The following EYS variants were observed in gnomAD, a reference collection of about 807,000 sequenced individuals.
EYS encodes EGF-like photoreceptor maintenance factor.
EYS carries 250 observed loss-of-function variants against 282.1 expected under a neutral mutation model. The observed-to-expected ratio is 0.89, with a 90% CI of 0.80 to 0.98. EYS has a LOEUF of 0.98. EYS is among the 50% of genes least tolerant of loss of function. EYS has a pLI of 0.00. For missense variants in EYS, 4,016 were observed against 3,709.0 expected (o/e 1.08, Z -2.15); for synonymous variants, 1,355 against 1,282.9 (o/e 1.06, Z -1.20).
chr6:64,792,857 C>CGTATGTGTGTGTGTGTGTGTGTGTGT (rs1774234601), intron 22 of EYS, among the ~76,000 whole-genome samples: 3 of 148,330 alleles, frequency 2.0e-5, no homozygotes, highest in Non-Finnish European at 4.5e-5. Flanking sequence ...GATCTTGACA[C>CGTATGTGTGTGTGTGTGTGTGTGTGT]GTGTGTGTGT....
intron 29 of EYS, among the ~76,000 whole-genome samples, chr6:64,327,574 C>T (rs924087293): frequency 6.6e-6 from 1 of 152,004 alleles, no homozygotes; most frequent in African/African-American, 2.4e-5. Flanking sequence ...GCACCCAGAT[C>T]AGTTTCCATA....
chr6:63,831,580 A>T (rs1039099090), intron 36 of EYS, among the ~76,000 whole-genome samples: 1 of 152,176 alleles, frequency 6.6e-6, no homozygotes, highest in Admixed American at 6.6e-5. Context: ...GTCCTTAGAG[A>T]CCTACAAAGA....
chr6:64,311,745 A>G (rs6921740), intron 29 of EYS, among the ~76,000 whole-genome samples: 109,029 of 151,948 alleles, frequency 0.72, 39,322 homozygotes, highest in African/African-American at 0.79. Context: ...ATGGGGTGTC[A>G]GCTCACCCGG....
chr6:64,987,653 C>T (rs1307943571), intron 14 of EYS, among the ~76,000 whole-genome samples: 4 of 151,272 alleles, frequency 2.6e-5, no homozygotes, highest in South Asian at 2.1e-4. Flanking sequence ...GTATATTCCC[C>T]GTGTCTCCTT....
chr6:64,131,860 T>G (rs1286355592), intron 31 of EYS, among the ~76,000 whole-genome samples: 2 of 152,158 alleles, frequency 1.3e-5, no homozygotes, highest in Non-Finnish European at 2.9e-5. Flanking sequence ...CAAGGACAAT[T>G]GCATTTAACC....
At chr6:65,405,128 A>G in intron 6 of EYS, 46 bp downstream of exon 6, 1 of 1,383,616 alleles carries the variant, frequency 7.2e-7, no homozygotes, top group Non-Finnish European at 1.0e-6. Flanking sequence ...TGGTAATAGT[A>G]AAAAAAATTT....
intron 30 of EYS, among the ~76,000 whole-genome samples, chr6:64,261,085 A>G (rs1359583570): frequency 2.6e-5 from 4 of 152,066 alleles, no homozygotes; most frequent in Non-Finnish European, 5.9e-5. Context: ...ATTGTTAACT[A>G]TAGTCATCCT....
intron 35 of EYS, among the ~76,000 whole-genome samples, chr6:63,925,944 C>T (rs1451310367): frequency 6.6e-6 from 1 of 152,116 alleles, no homozygotes; most frequent in African/African-American, 2.4e-5. Flanking sequence ...ACGCCTGGCC[C>T]TGTCATCTAG....
chr6:65,344,270 G>T, intron 9 of EYS, 93 bp from the exon 10 acceptor site: 1 of 1,080,210 alleles, frequency 9.3e-7, no homozygotes, highest in Non-Finnish European at 1.4e-6. Flanking sequence ...TACTTGAAAA[G>T]ATAAATTTGA....
At chr6:65,426,226 T>A (rs1767657901) in intron 5 of EYS, among the ~76,000 whole-genome samples, 1 of 152,104 alleles carries the variant, frequency 6.6e-6, no homozygotes, top group South Asian at 2.1e-4. Context: ...GGATCCTACC[T>A]TGGCCTCCTA....
At chr6:64,827,318 C>T (rs936187962) in intron 19 of EYS, among the ~76,000 whole-genome samples, 3 of 151,672 alleles carry the variant, frequency 2.0e-5, no homozygotes, top group Non-Finnish European at 4.4e-5. Context: ...TTGATATCTC[C>T]CATTGCATAT....
chr6:63,908,854 A>T (rs1310470464), intron 35 of EYS, among the ~76,000 whole-genome samples: 1 of 152,212 alleles, frequency 6.6e-6, no homozygotes, highest in Non-Finnish European at 1.5e-5. Context: ...TTCACTAAAG[A>T]GAGAATAGGG....
Position 65,690,419 on chromosome 6 carries a change from C to T in EYS, c.-448+16716G>A, listed in dbSNP as rs139461452. Among the ~76,000 whole-genome samples, 6 of 149,914 alleles carry T rather than the reference C, an allele frequency of 4.0e-5. 1 individual carries two copies. The highest frequency in any genetic ancestry group is 1.5e-4 in the African/African-American group (6 of 41,220). On this transcript the variant is annotated intron_variant, in intron 1 of 42. Coordinates refer to ENST00000503581, the MANE Select transcript of EYS (RefSeq NM_001142800.2). ...CCCCTCATGCGTCCGTTTATAAACTCTCCACAAGGGTCGCATTCCATTCCC... is the reference window on the plus strand; with the variant it reads ...CCCCTCATGCGTCCGTTTATAAACTTTCCACAAGGGTCGCATTCCATTCCC...
intron 1 of EYS, among the ~76,000 whole-genome samples, chr6:65,688,785 A>G (rs1769126380): frequency 6.6e-6 from 1 of 151,752 alleles, no homozygotes; most frequent in Non-Finnish European, 1.5e-5. Context: ...GCTCATCATC[A>G]CTGGCCATCA....
At chr6:65,404,902 A>G (rs1262228861) in intron 6 of EYS, among the ~76,000 whole-genome samples, 1 of 151,986 alleles carries the variant, frequency 6.6e-6, no homozygotes, top group Non-Finnish European at 1.5e-5. Context: ...AAAGTAAAAC[A>G]ATATTGAATA....
chr6:63,957,104 T>C (rs538018177), intron 35 of EYS, among the ~76,000 whole-genome samples: 5 of 152,274 alleles, frequency 3.3e-5, no homozygotes, highest in Admixed American at 2.0e-4. Context: ...GCATTATAAC[T>C]CATGCCCGGA....
At chr6:65,262,945 T>A (rs1161933753) in intron 12 of EYS, among the ~76,000 whole-genome samples, 1 of 152,150 alleles carries the variant, frequency 6.6e-6, no homozygotes, top group Non-Finnish European at 1.5e-5. Context: ...TCCAAGTCCA[T>A]TGTATAACTC....
intron 35 of EYS, among the ~76,000 whole-genome samples, chr6:63,901,815 C>G (rs988876938): frequency 6.6e-6 from 1 of 151,522 alleles, no homozygotes; most frequent in Non-Finnish European, 1.5e-5. Context: ...ACTTACTGTT[C>G]AGCATCCCTA....
chr6:64,325,466 GA>G (rs1291656660), intron 29 of EYS, among the ~76,000 whole-genome samples: 2 of 152,070 alleles, frequency 1.3e-5, no homozygotes, highest in African/African-American at 4.8e-5. Context: ...AAATGAAAAG[GA>G]ACTAGATAAC....
Sources: allele counts gnomAD v4.1 joint callset (sites outside exome capture counted in the v4.1 genomes callset), GRCh38; gene constraint gnomAD v4.1.1; transcripts MANE v1.5; gene names NCBI Gene and HGNC (gene_info 2026-07-23, HGNC 2026-07-21).